Variants in PLCG2 observed in about 807,000 individuals in gnomAD.
PLCG2 encodes the protein phospholipase C gamma 2.
A neutral mutation model predicts 175.6 loss-of-function variants in PLCG2; 69 were observed. The ratio of observed to expected loss-of-function variants is 0.39; its 90% CI spans 0.32 to 0.48. PLCG2 has a LOEUF of 0.48. Ranked by LOEUF, PLCG2 falls within the 20% of genes least tolerant of loss-of-function variation. PLCG2 has a pLI of 0.91. For synonymous variants in PLCG2, 827 were observed against 624.0 expected (o/e 1.33, Z -4.85); for missense variants, 1,798 against 1,650.9 (o/e 1.09, Z -1.54).
At chr16:81,742,343 A>G (rs915782144) in intron 1 of PLCG2, among the ~76,000 whole-genome samples, 2 of 152,134 alleles carry the variant, frequency 1.3e-5, no homozygotes, top group Admixed American at 6.6e-5. Context: ...GATGAGACCA[A>G]TGAGGGCTCC....
chr16:81,848,840 A>G (rs930361649), intron 2 of PLCG2, among the ~76,000 whole-genome samples: 6 of 152,108 alleles, frequency 3.9e-5, no homozygotes, highest in African/African-American at 2.4e-5. Flanking sequence ...CATCTAATAC[A>G]TATTTGCCTC....
In PLCG2 at chr16:81,858,276, G is replaced by A; in HGVS notation, c.351G>A (p.Glu117=). ...STLSLAADSK[E]DAVNWLSGLK... Reference sequence around the variant, plus strand: ...TCTCCACTCCAGCTGACTCTAAAGAGGATGCAGTTAACTGGCTCTCTGGCT... The same window carrying A: ...TCTCCACTCCAGCTGACTCTAAAGAAGATGCAGTTAACTGGCTCTCTGGCT... Residue 117 remains glutamate, a synonymous_variant, in exon 4 of 33, where the codon GAG becomes GAA. Coordinates refer to ENST00000564138, the MANE Select transcript of PLCG2 (RefSeq NM_002661.5). The A allele has an allele frequency of 6.2e-7, 1 of 1,612,468 alleles. No homozygotes were observed. Among genetic ancestry groups the A allele is most frequent in the Non-Finnish European group, 8.5e-7 (1 of 1,178,446 alleles).
At chr16:81,837,978 A>G (rs1021206805) in intron 2 of PLCG2, among the ~76,000 whole-genome samples, 3 of 152,184 alleles carry the variant, frequency 2.0e-5, no homozygotes, top group African/African-American at 7.2e-5. Flanking sequence ...CATGCATAGC[A>G]TCCTATATCT....
chr16:81,793,521 G>T (rs901439189), intron 2 of PLCG2, among the ~76,000 whole-genome samples: 3 of 152,178 alleles, frequency 2.0e-5, no homozygotes, highest in Non-Finnish European at 4.4e-5. Context: ...TCTCAACTGT[G>T]TAGGCTTTTT....
At chr16:81,947,594 T>C (rs1911200999) in intron 31 of PLCG2, among the ~76,000 whole-genome samples, 1 of 152,214 alleles carries the variant, frequency 6.6e-6, no homozygotes, top group East Asian at 1.9e-4. Context: ...GAGCAAATGA[T>C]TGATCCAGTA....
intron 2 of PLCG2, chr16:81,852,163 G>C (rs540577659): frequency 1.3e-5 from 2 of 152,326 alleles, no homozygotes; most frequent in Admixed American, 1.3e-4. Flanking sequence ...TTCCATGGTA[G>C]ACAAGGTGGT....
chr16:81,740,399 A>C (rs1363707087), intron 1 of PLCG2: 1 of 152,284 alleles, frequency 6.6e-6, no homozygotes, highest in African/African-American at 2.4e-5. Context: ...TGACCCCAGC[A>C]AATGAGCACA....
intron 23 of PLCG2, 87 bp from the exon 24 acceptor site, chr16:81,928,471 C>G: frequency 3.6e-6 from 3 of 836,570 alleles, no homozygotes; most frequent in Non-Finnish European, 6.3e-6. Flanking sequence ...CAGGCAGTAT[C>G]TCTGCTAAAC....
chr16:81,777,071 A>G (rs1165001628), upstream of PLCG2, among the ~76,000 whole-genome samples: 2 of 152,216 alleles, frequency 1.3e-5, no homozygotes, highest in Non-Finnish European at 2.9e-5. Flanking sequence ...TATCTCACAC[A>G]CAGTGGACAT....
chr16:81,763,473 C>T lies in PLCG2; in HGVS notation c.-48+7507C>T, dbSNP rs565097338. ...CATCTCCAAGGTGTCCTCCCTCTCA[C>T]GGCCTGTGCCTGGGCTGGGAAGATG... On this transcript the variant is annotated intron_variant, in intron 2 of 5. Coordinates refer to the PLCG2 transcript ENST00000565054. Among the ~76,000 whole-genome samples, 13 of 152,344 alleles carry T rather than the reference C, an allele frequency of 8.5e-5. 1 individual carries two copies. In the Middle Eastern group the frequency reaches 0.01, roughly 120 times the overall value.
rs571569829 is a variant in PLCG2, at chr16:81,804,676, G to C, written c.193+18494G>C. On this transcript the variant is annotated intron_variant, in intron 2 of 32. Transcript: ENST00000564138. The stretch of plus-strand genomic sequence containing the variant: ...ACTTTTCATCATTTCAAGGTTTAAC[G>C]CCTCAGCCCAGGGAGTGTATATTTG... Among the ~76,000 whole-genome samples the C allele has an allele frequency of 3.3e-5, 5 of 152,284 alleles. No homozygotes were observed. The East Asian group carries it at 9.6e-4, about 29-fold the overall frequency.
chr16:81,789,896 G>A (rs569915053), intron 2 of PLCG2, among the ~76,000 whole-genome samples: 157 of 143,362 alleles, frequency 1.1e-3, no homozygotes, highest in African/African-American at 3.8e-3. Flanking sequence ...TGTAGGCGCC[G>A]CCCTAGGCGC....
chr16:81,874,033 C>T (rs1036252364), intron 7 of PLCG2, among the ~76,000 whole-genome samples: 5 of 152,172 alleles, frequency 3.3e-5, no homozygotes, highest in Non-Finnish European at 5.9e-5. Flanking sequence ...CTTTGTATGG[C>T]AAAGATTCTG....
intron 5 of PLCG2, among the ~76,000 whole-genome samples, chr16:81,860,932 G>A (rs543773874): frequency 9.2e-5 from 14 of 152,114 alleles, no homozygotes; most frequent in Non-Finnish European, 1.8e-4. Context: ...AGCCGAGATC[G>A]CGCCACTCTA....
intron 14 of PLCG2, among the ~76,000 whole-genome samples, chr16:81,903,273 T>A (rs1253806101): frequency 2.0e-5 from 3 of 152,140 alleles, no homozygotes; most frequent in Admixed American, 2.0e-4. Flanking sequence ...CCAAGATACA[T>A]TGGACACAAT....
intron 1 of PLCG2, among the ~76,000 whole-genome samples, chr16:81,782,464 G>C (rs12934353): frequency 0.42 from 64,371 of 151,926 alleles, 13,868 homozygotes; most frequent in South Asian, 0.63. Flanking sequence ...CTCTCTCCTG[G>C]GCTCAAGGTC....
intron 2 of PLCG2, among the ~76,000 whole-genome samples, chr16:81,849,547 T>G (rs1906294021): frequency 6.6e-6 from 1 of 151,798 alleles, no homozygotes; most frequent in Admixed American, 6.6e-5. Flanking sequence ...TCACCTGAGG[T>G]CAGGAGTTCG....
At chr16:81,933,909 C>T (rs868684895) in intron 25 of PLCG2, among the ~76,000 whole-genome samples, 13 of 152,290 alleles carry the variant, frequency 8.5e-5, no homozygotes, top group Middle Eastern at 3.4e-3. Flanking sequence ...CTCCTGAGTC[C>T]ATGGCACATG....
intron 2 of PLCG2, among the ~76,000 whole-genome samples, chr16:81,849,640 G>T (rs149771789): frequency 6.6e-6 from 1 of 151,832 alleles, no homozygotes; most frequent in Non-Finnish European, 1.5e-5. Flanking sequence ...GTCTGGTGGC[G>T]GATGCCTGTA....
Sources: allele counts gnomAD v4.1 joint callset (sites outside exome capture counted in the v4.1 genomes callset), GRCh38; gene constraint gnomAD v4.1.1; transcripts MANE v1.5; gene names NCBI Gene and HGNC (gene_info 2026-07-23, HGNC 2026-07-21).